FILIP1L: variants seen among roughly 807,000 people sequenced by gnomAD.
The protein encoded by FILIP1L is filamin A-interacting protein 1-like.
FILIP1L carries 55 observed loss-of-function variants against 96.6 expected under a neutral mutation model. The observed-to-expected ratio is 0.57, with a 90% confidence interval of 0.46 to 0.71. FILIP1L has a LOEUF of 0.71. Ranked by LOEUF, FILIP1L falls within the 30% of genes least tolerant of loss-of-function variation. The pLI is 0.00. For missense variants in FILIP1L, 1,304 were observed against 1,321.2 expected, an observed-to-expected ratio of 0.99 and a Z score of 0.20; for synonymous variants, 467 against 473.9, an observed-to-expected ratio of 0.99 and a Z score of 0.19.
chr3:99,998,901 C>G (rs886793404), intron 1 of FILIP1L, among the ~76,000 whole-genome samples: 1 of 152,162 alleles, frequency 6.6e-6, no homozygotes, highest in African/African-American at 2.4e-5. Context: ...ATCTTTTCCC[C>G]CAACTAGAAA....
chr3:99,878,067 A>G (rs1705594877), intron 4 of FILIP1L, among the ~76,000 whole-genome samples: 1 of 152,178 alleles, frequency 6.6e-6, no homozygotes, highest in South Asian at 2.1e-4. Context: ...TGAAGAATAG[A>G]GGAAAGAGGA....
At chr3:99,842,810 A>T (rs1358463575) in intron 5 of FILIP1L, among the ~76,000 whole-genome samples, 1 of 152,178 alleles carries the variant, frequency 6.6e-6, no homozygotes, top group Non-Finnish European at 1.5e-5. Context: ...TGGAATGTTG[A>T]CAGATTTGTA....
At chr3:100,038,690 G>T (rs1311600397) in intron 1 of FILIP1L, among the ~76,000 whole-genome samples, 2 of 152,070 alleles carry the variant, frequency 1.3e-5, no homozygotes, top group African/African-American at 4.8e-5. Context: ...TAAAGGACAC[G>T]ATCTCAGTCC....
chr3:99,900,611 C>T (rs1370064102), intron 4 of FILIP1L, among the ~76,000 whole-genome samples: 4 of 152,270 alleles, frequency 2.6e-5, no homozygotes, highest in East Asian at 3.9e-4. Flanking sequence ...TTGTTCCAAC[C>T]ATTTCTTCAC....
chr3:99,843,854 A>T (rs558941758), intron 5 of FILIP1L, among the ~76,000 whole-genome samples: 2 of 152,336 alleles, frequency 1.3e-5, no homozygotes, highest in Non-Finnish European at 1.5e-5. Context: ...TCAGATCAGC[A>T]GTGGCATTAG....
intron 4 of FILIP1L, among the ~76,000 whole-genome samples, chr3:99,894,027 A>G (rs1706171240): frequency 6.6e-6 from 1 of 152,242 alleles, no homozygotes; most frequent in African/African-American, 2.4e-5. Flanking sequence ...GAGGAAGGCC[A>G]GTTAACATAG....
intron 1 of FILIP1L, among the ~76,000 whole-genome samples, chr3:100,021,960 T>TGAGA (rs61630053): frequency 0.033 from 3,037 of 93,050 alleles, 72 homozygotes; most frequent in Non-Finnish European, 0.049. Flanking sequence ...TGTGTGTGTG[T>TGAGA]GAGAGAGAGA....
intron 4 of FILIP1L, among the ~76,000 whole-genome samples, chr3:99,864,462 A>C (rs1236836729): frequency 6.6e-6 from 1 of 152,200 alleles, no homozygotes; most frequent in Non-Finnish European, 1.5e-5. Flanking sequence ...ACAGAGGTTA[A>C]ATAATTTTCC....
intron 1 of FILIP1L, among the ~76,000 whole-genome samples, chr3:100,073,053 TTATGTG>T (rs1394084906): frequency 6.6e-6 from 1 of 152,184 alleles, no homozygotes; most frequent in African/African-American, 2.4e-5. Context: ...CATAATTAGT[TTATGTG>T]TATGTTCATA....
chr3:99,929,316 C>T (rs1386681152), intron 3 of FILIP1L, among the ~76,000 whole-genome samples: 1 of 152,150 alleles, frequency 6.6e-6, no homozygotes, highest in African/African-American at 2.4e-5. Flanking sequence ...TGTCATTAAA[C>T]TTTGAAGGAA....
At chr3:99,890,186 A>C (rs1206321434) in intron 4 of FILIP1L, among the ~76,000 whole-genome samples, 1 of 152,132 alleles carries the variant, frequency 6.6e-6, no homozygotes, top group African/African-American at 2.4e-5. Flanking sequence ...AGTACATTGA[A>C]GATATTATTC....
intron 1 of FILIP1L, among the ~76,000 whole-genome samples, chr3:100,005,080 G>A (rs987622113): frequency 6.6e-6 from 1 of 152,180 alleles, no homozygotes; most frequent in Non-Finnish European, 1.5e-5. Flanking sequence ...GCCAGTAAAG[G>A]TTCAACTCTT....
rs118148655 is a variant in FILIP1L at position 99,938,107 on chromosome 3, G to T, written c.-10-7077C>A. Among the ~76,000 whole-genome samples, 204 of 152,230 alleles carry T rather than the reference G, an allele frequency of 1.3e-3. 5 individuals are homozygous for T. The East Asian group carries it at 0.032, about 24-fold the overall frequency. ...CGCGCGCGCGTGCATGCACACTCGT[G>T]CTGGGTGGGGAAGAAATGTTAGATC... On this transcript the variant is annotated intron_variant, in intron 1 of 5. Coordinates refer to ENST00000477258, the MANE Select transcript of FILIP1L (RefSeq NM_001387850.1).
At chr3:100,101,030 A>G (rs530630898) in intron 1 of FILIP1L, among the ~76,000 whole-genome samples, 66 of 152,292 alleles carry the variant, frequency 4.3e-4, no homozygotes, top group African/African-American at 1.5e-3. Flanking sequence ...CATGTAGGAT[A>G]GCAGCCTTCA....
intron 1 of FILIP1L, among the ~76,000 whole-genome samples, chr3:99,944,492 G>T (rs186900049): frequency 6.6e-6 from 1 of 152,300 alleles, no homozygotes; most frequent in East Asian, 1.9e-4. Flanking sequence ...TTTACTGTCT[G>T]CAGGCACAAT....
intron 1 of FILIP1L, among the ~76,000 whole-genome samples, chr3:100,082,946 A>G (rs1372467607): frequency 6.6e-6 from 1 of 152,232 alleles, no homozygotes. Flanking sequence ...TGAAAAAAGA[A>G]CAAATTGAGA....
At position 99,867,015 on chromosome 3, in the gene FILIP1L, T is replaced by C. The variant is rs1274276215; in HGVS notation, c.606-15945A>G. 2.0e-5 allele frequency among the ~76,000 whole-genome samples: 3 copies of C among 152,366 alleles called. No individual in the cohort carries two copies. In the East Asian group the frequency reaches 5.8e-4, roughly 29 times the overall value. ...TTCCTTTTCAGCAACTTCTGAATAC[T>C]GAGAAGACAGAAAATGCATAAACAG... On this transcript the variant is annotated intron_variant, in intron 4 of 5. Coordinates refer to ENST00000477258, the MANE Select transcript of FILIP1L (RefSeq NM_001387850.1).
At chr3:100,068,381 TG>T (rs2065703192) in intron 1 of FILIP1L, among the ~76,000 whole-genome samples, 2 of 137,908 alleles carry the variant, frequency 1.5e-5, no homozygotes, top group Admixed American at 1.5e-4. Flanking sequence ...TGTGTGTGTG[TG>T]TCAGAGAGAT....
At chr3:99,911,487 A>G (rs532689192) in intron 4 of FILIP1L, among the ~76,000 whole-genome samples, 1 of 152,082 alleles carries the variant, frequency 6.6e-6, no homozygotes, top group African/African-American at 2.4e-5. Context: ...CGAATGTCTC[A>G]TGGTCTCAGG....
Sources: gnomAD v4.1 joint callset for allele counts (sites outside exome capture counted in the v4.1 genomes callset) on GRCh38, gnomAD v4.1.1 for gene constraint, MANE v1.5 for transcripts, NCBI Gene and HGNC (gene_info 2026-07-23, HGNC 2026-07-21) for gene names.